AGBL4: variants seen among roughly 807,000 people sequenced by gnomAD.
AGBL4 encodes AGBL carboxypeptidase 4.
In AGBL4, 58 loss-of-function variants were observed where a neutral mutation model predicts 66.4. The observed-to-expected ratio is 0.87, with a 90% confidence interval of 0.71 to 1.09. The LOEUF (loss-of-function observed/expected upper bound fraction) is 1.09, where lower values mean the gene tolerates loss of function less well. Among genes scored for constraint, AGBL4 ranks in the 50% least tolerant of loss-of-function variants. The probability of loss-of-function intolerance (pLI) is 0.00; values close to 1 mark genes in which losing one functional copy is unlikely to be tolerated. For synonymous variants in AGBL4, 234 were observed against 222.9 expected, an observed-to-expected ratio of 1.05 and a Z score of -0.44; for missense variants, 579 against 631.0, an observed-to-expected ratio of 0.92 and a Z score of 0.88.
intron 4 of AGBL4, among the ~76,000 whole-genome samples, chr1:49,079,350 C>A (rs1464610347): frequency 6.6e-6 from 1 of 152,150 alleles, no homozygotes; most frequent in Non-Finnish European, 1.5e-5. Flanking sequence ...ATTTAATTGA[C>A]TCACCATGCC....
At chr1:49,509,839 T>A (rs1649046543) in intron 3 of AGBL4, among the ~76,000 whole-genome samples, 2 of 151,792 alleles carry the variant, frequency 1.3e-5, no homozygotes, top group South Asian at 4.2e-4. Flanking sequence ...GTGGGAAAAA[T>A]AAAGTCCATT....
At chr1:49,487,204 C>T (rs1647086860) in intron 3 of AGBL4, among the ~76,000 whole-genome samples, 1 of 151,940 alleles carries the variant, frequency 6.6e-6, no homozygotes, top group Non-Finnish European at 1.5e-5. Context: ...CTCATAACAA[C>T]CCTGAGAAGT....
chr1:49,499,600 A>G (rs934013570), intron 3 of AGBL4, among the ~76,000 whole-genome samples: 1 of 151,674 alleles, frequency 6.6e-6, no homozygotes, highest in African/African-American at 2.4e-5. Context: ...CTTATAAGTG[A>G]GAACATATGA....
rs545787867 is a variant in AGBL4, at chr1:48,549,453, G to C, written c.1268-9715C>G. Among the ~76,000 whole-genome samples, 21 of 152,258 alleles carry C rather than the reference G, an allele frequency of 1.4e-4. No homozygotes were observed. The East Asian group carries it at 3.7e-3, about 27-fold the overall frequency. Reference sequence around the variant, plus strand: ...CCTAGGTAAGAAGACCTGTGAAAGAGAGGAGAGGGAGAAGGAGAGGGAGAG... The same window carrying C: ...CCTAGGTAAGAAGACCTGTGAAAGACAGGAGAGGGAGAAGGAGAGGGAGAG... On this transcript the variant is annotated intron_variant, in intron 11 of 13. Coordinates refer to ENST00000371839, the MANE Select transcript of AGBL4 (RefSeq NM_032785.4).
chr1:50,021,029 T>A (rs1320827783), intron 1 of AGBL4, among the ~76,000 whole-genome samples: 1 of 152,230 alleles, frequency 6.6e-6, no homozygotes. Context: ...AAACAAAGAC[T>A]GAGGCATTAT....
chr1:49,579,176 C>T (rs1342951197), intron 3 of AGBL4, among the ~76,000 whole-genome samples: 4 of 152,276 alleles, frequency 2.6e-5, no homozygotes, highest in African/African-American at 9.6e-5. Flanking sequence ...ATTACGGTAC[C>T]TTGTGATCAT....
intron 6 of AGBL4, among the ~76,000 whole-genome samples, chr1:48,709,462 A>G (rs1223413359): frequency 6.6e-6 from 1 of 152,170 alleles, no homozygotes; most frequent in African/African-American, 2.4e-5. Context: ...GTTATTTGAG[A>G]GGCAGTGATA....
intron 5 of AGBL4, among the ~76,000 whole-genome samples, chr1:48,993,904 A>G (rs1660803912): frequency 6.6e-6 from 1 of 152,206 alleles, no homozygotes; most frequent in Non-Finnish European, 1.5e-5. Flanking sequence ...GGTATTTCCT[A>G]TTCTCTTCAG....
intron 3 of AGBL4, among the ~76,000 whole-genome samples, chr1:49,286,314 C>T (rs1254922653): frequency 2.6e-5 from 4 of 151,526 alleles, no homozygotes; most frequent in Non-Finnish European, 3.0e-5. Flanking sequence ...GACAGGGATG[C>T]CCTCTTTCAC....
intron 2 of AGBL4, among the ~76,000 whole-genome samples, chr1:49,805,012 G>A (rs1644945504): frequency 6.6e-6 from 1 of 152,114 alleles, no homozygotes; most frequent in Admixed American, 6.6e-5. Flanking sequence ...TTAAAGTCAA[G>A]TAATTAGATG....
chr1:48,543,409 TC>T (rs1644107349), intron 11 of AGBL4, among the ~76,000 whole-genome samples: 1 of 151,822 alleles, frequency 6.6e-6, no homozygotes, highest in African/African-American at 2.4e-5. Context: ...CATCCATCCA[TC>T]CATCCATCCA....
chr1:49,916,854 A>G (rs1448961133), intron 1 of AGBL4, among the ~76,000 whole-genome samples: 2 of 152,210 alleles, frequency 1.3e-5, no homozygotes, highest in Non-Finnish European at 2.9e-5. Flanking sequence ...GTTACCCACA[A>G]AGGGAAGCCC....
At chr1:49,527,811 A>G (rs1248979497) in intron 3 of AGBL4, among the ~76,000 whole-genome samples, 2 of 152,104 alleles carry the variant, frequency 1.3e-5, no homozygotes, top group Non-Finnish European at 2.9e-5. Flanking sequence ...GCTTCAACCT[A>G]GAAATACTTT....
At chr1:48,805,977 T>C (rs1414224258) in intron 6 of AGBL4, among the ~76,000 whole-genome samples, 1 of 152,220 alleles carries the variant, frequency 6.6e-6, no homozygotes, top group Non-Finnish European at 1.5e-5. Flanking sequence ...ATCTAATATA[T>C]ACATTTTTAT....
intron 1 of AGBL4, among the ~76,000 whole-genome samples, chr1:49,914,651 C>T (rs1486533000): frequency 2.0e-5 from 3 of 152,224 alleles, no homozygotes; most frequent in African/African-American, 7.2e-5. Flanking sequence ...TCCAAAGCCA[C>T]TCCCACATAT....
chr1:48,758,042 C>G (rs937057697), intron 6 of AGBL4, among the ~76,000 whole-genome samples: 6 of 152,326 alleles, frequency 3.9e-5, no homozygotes, highest in South Asian at 2.1e-4. Context: ...AAAGCTGCTG[C>G]CTTTCAGGTT....
At chr1:49,499,622 C>T (rs1489019662) in intron 3 of AGBL4, among the ~76,000 whole-genome samples, 1 of 151,604 alleles carries the variant, frequency 6.6e-6, no homozygotes, top group Admixed American at 6.6e-5. Context: ...ATCTGGTTTT[C>T]CATTATTTAG....
chr1:48,594,882 C>A (rs1644972191), intron 9 of AGBL4, among the ~76,000 whole-genome samples: 1 of 152,082 alleles, frequency 6.6e-6, no homozygotes, highest in South Asian at 2.1e-4. Context: ...CACATTCTCT[C>A]TTGCCCTTCT....
At chr1:48,552,347 C>T (rs1305771435) in intron 11 of AGBL4, among the ~76,000 whole-genome samples, 3 of 152,306 alleles carry the variant, frequency 2.0e-5, no homozygotes, top group South Asian at 2.1e-4. Context: ...CAGGCATGAG[C>T]CACTGCACCC....
Sources: gnomAD v4.1 joint callset for allele counts (sites outside exome capture counted in the v4.1 genomes callset) on GRCh38, gnomAD v4.1.1 for gene constraint, MANE v1.5 for transcripts, NCBI Gene and HGNC (gene_info 2026-07-23, HGNC 2026-07-21) for gene names.